The following MYO5C variants were observed in gnomAD, a reference collection of about 807,000 sequenced individuals.
MYO5C encodes the protein myosin VC.
A neutral mutation model predicts 235.7 loss-of-function variants in MYO5C; 194 were observed. The observed-to-expected ratio is 0.82, with a 90% confidence interval of 0.73 to 0.93. The LOEUF is 0.93. Among genes scored for constraint, MYO5C ranks in the 40% least tolerant of loss-of-function variants. The pLI is 0.00. For missense variants in MYO5C, 2,038 were observed against 2,127.2 expected (o/e 0.96, Z 0.82); for synonymous variants, 707 against 754.8 (o/e 0.94, Z 1.04).
At chr15:52,218,474 T>C in intron 32 of MYO5C, 45 bp downstream of exon 32, 1 of 1,592,948 alleles carries the variant, frequency 6.3e-7, no homozygotes, top group Non-Finnish European at 8.6e-7. Flanking sequence ...TTCAGCAACA[T>C]CTGCACACAG....
intron 1 of MYO5C, among the ~76,000 whole-genome samples, chr15:52,285,799 G>T (rs1223219202): frequency 6.6e-6 from 1 of 152,176 alleles, no homozygotes; most frequent in African/African-American, 2.4e-5. Context: ...GGAGTGCAGT[G>T]GCGTGATCTC....
intron 1 of MYO5C, among the ~76,000 whole-genome samples, chr15:52,294,785 C>A (rs1259788468): frequency 6.6e-6 from 1 of 152,138 alleles, no homozygotes; most frequent in Non-Finnish European, 1.5e-5. Context: ...TGTGGGAACG[C>A]TGCCCTTCCG....
At chr15:52,242,309 G>C in intron 19 of MYO5C, 96 bp from the exon 20 acceptor site, 2 of 1,355,080 alleles carry the variant, frequency 1.5e-6, no homozygotes, top group Non-Finnish European at 1.0e-6. Context: ...TTATAAGGAA[G>C]GTTCAAATAT....
At chr15:52,244,893 G>A (rs540968423) in intron 18 of MYO5C, among the ~76,000 whole-genome samples, 27 of 152,280 alleles carry the variant, frequency 1.8e-4, no homozygotes, top group African/African-American at 6.3e-4. Flanking sequence ...AAGAAACTGG[G>A]GAAGTTTGGT....
chr15:52,284,821 A>C (rs981869520), intron 1 of MYO5C, among the ~76,000 whole-genome samples: 2 of 145,214 alleles, frequency 1.4e-5, no homozygotes, highest in African/African-American at 5.0e-5. Context: ...TTCACTATAA[A>C]ATTCTTTTTC....
intron 25 of MYO5C, among the ~76,000 whole-genome samples, chr15:52,226,236 T>C (rs960739330): frequency 1.3e-5 from 2 of 152,042 alleles, no homozygotes; most frequent in Non-Finnish European, 2.9e-5. Context: ...TAACTGTGGG[T>C]TTTGGCTTCA....
At chr15:52,195,542 T>C (rs2035027446) in intron 39 of MYO5C, 85 bp from the exon 40 acceptor site, 4 of 889,156 alleles carry the variant, frequency 4.5e-6, no homozygotes, top group Non-Finnish European at 6.6e-6. Flanking sequence ...TTGGGAACCA[T>C]TGGGAAGCAC....
Position 52,275,631 on chromosome 15 carries a change from G to A in MYO5C, c.537C>T (p.Ala179=). 1 of 1,614,214 alleles carries A rather than the reference G, an allele frequency of 6.2e-7. No individual in the cohort carries two copies. The highest frequency in any genetic ancestry group is 8.5e-7 in the Non-Finnish European group (1 of 1,180,048). The change falls in exon 5 of 41, where the codon GCC becomes GCT. Residue 179 remains alanine (A), a synonymous_variant. Transcript: ENST00000261839. ...CGTTGCTGCCCGATTTGCTGACGGTGGCAAAGTACCTCATGGCATAGCGAG... is the reference window on the plus strand; with the variant it reads ...CGTTGCTGCCCGATTTGCTGACGGTAGCAAAGTACCTCATGGCATAGCGAG... ...VSARYAMRYF[A]TVSKSGSNAH...
intron 29 of MYO5C, among the ~76,000 whole-genome samples, chr15:52,222,774 G>A (rs979152787): frequency 4.6e-5 from 7 of 152,324 alleles, no homozygotes; most frequent in Admixed American, 4.6e-4. Flanking sequence ...GATTCCTAAA[G>A]CATTTCTCCA....
At chr15:52,204,605 G>A (rs1326839801) in intron 38 of MYO5C, among the ~76,000 whole-genome samples, 2 of 152,116 alleles carry the variant, frequency 1.3e-5, no homozygotes, top group African/African-American at 4.8e-5. Context: ...TAGAGGGCCA[G>A]AATTTAAGAT....
intron 8 of MYO5C, among the ~76,000 whole-genome samples, chr15:52,265,385 G>A (rs1166044286): frequency 4.7e-5 from 7 of 150,300 alleles, no homozygotes; most frequent in Admixed American, 3.3e-4. Context: ...AGATGCGCTC[G>A]GGCTGGCAGG....
rs556978511 is a variant in MYO5C, at chr15:52,222,978, T to C, written c.3627+566A>G. On this transcript the variant is annotated intron_variant, in intron 29 of 40. Coordinates refer to ENST00000261839, the MANE Select transcript of MYO5C (RefSeq NM_018728.4). The stretch of plus-strand genomic sequence containing the variant: ...TAGCCTTGCCCACATAGTGAAACCC[T>C]GTCTCTACTAAAAATGCAAAATTAG... 1.2e-3 allele frequency among the ~76,000 whole-genome samples: 179 copies of C among 152,126 alleles called. 1 individual carries two copies. The highest frequency in any genetic ancestry group is 1.9e-3 in the Non-Finnish European group (129 of 67,998).
intron 5 of MYO5C, 143 bp downstream of exon 5, chr15:52,275,419 G>T: frequency 1.0e-6 from 1 of 971,054 alleles, no homozygotes; most frequent in Non-Finnish European, 1.5e-6. Context: ...AATCCCACCA[G>T]CAAATAGGCT....
At chr15:52,282,465 C>T (rs960075375) in intron 2 of MYO5C, among the ~76,000 whole-genome samples, 7 of 152,200 alleles carry the variant, frequency 4.6e-5, no homozygotes, top group Admixed American at 3.9e-4. Flanking sequence ...GCCAAAATGG[C>T]GAATCACTTT....
At chr15:52,238,802 C>T (rs546247179) in intron 21 of MYO5C, among the ~76,000 whole-genome samples, 3 of 151,630 alleles carry the variant, frequency 2.0e-5, no homozygotes, top group East Asian at 1.9e-4. Flanking sequence ...CCACCACGCC[C>T]GGCTAATTTT....
At chr15:52,272,813 G>C in intron 5 of MYO5C, 90 bp from the exon 6 acceptor site, 4 of 1,306,538 alleles carry the variant, frequency 3.1e-6, no homozygotes, top group South Asian at 1.4e-5. Context: ...AGGCAATCCT[G>C]TACCCTAGGG....
intron 9 of MYO5C, among the ~76,000 whole-genome samples, chr15:52,263,170 T>A (rs2036729593): frequency 6.6e-6 from 1 of 152,216 alleles, no homozygotes; most frequent in Non-Finnish European, 1.5e-5. Context: ...GGCATTTTGA[T>A]ATGGCAGTCT....
Position 52,245,390 on chromosome 15 carries a change from C to A in MYO5C, c.2142G>T (p.Lys714Asn). 1 of 1,614,162 alleles carries A rather than the reference C, an allele frequency of 6.2e-7. No individual in the cohort carries two copies. Among genetic ancestry groups the A allele is most frequent in the Non-Finnish European group, 8.5e-7 (1 of 1,180,006 alleles). ...TGTGTAAAACCACCTTGCACACCTC[C>A]TTTTTATCGCTGAAGGAAAGCTCTT... ...TKQELSFSDK[K>N]EVCKVVLHRL... The change falls in exon 18 of 41, where the codon AAG (lysine) becomes AAT (asparagine). Residue 714 changes from lysine (K) to asparagine (N), a missense_variant. Lys to Asn is a moderately conservative substitution (Grantham distance 94, BLOSUM62 0). Transcript: ENST00000261839.
At chr15:52,223,332 A>C (rs1247766046) in intron 29 of MYO5C, among the ~76,000 whole-genome samples, 1 of 152,184 alleles carries the variant, frequency 6.6e-6, no homozygotes, top group Non-Finnish European at 1.5e-5. Context: ...CAGCGCCTGC[A>C]GCCATCCTGT....
Sources: gnomAD v4.1 joint callset for allele counts (sites outside exome capture counted in the v4.1 genomes callset) on GRCh38, gnomAD v4.1.1 for gene constraint, MANE v1.5 for transcripts, NCBI Gene and HGNC (gene_info 2026-07-23, HGNC 2026-07-21) for gene names.